Variants in ZSCAN18 observed in about 807,000 individuals in gnomAD.
ZSCAN18 encodes the protein zinc finger and SCAN domain-containing protein 18.
A neutral mutation model predicts 31.1 loss-of-function variants in ZSCAN18; 16 were observed. The observed-to-expected ratio is 0.51, with a 90% confidence interval of 0.35 to 0.78. The LOEUF (loss-of-function observed/expected upper bound fraction) is 0.78, where lower values mean the gene tolerates loss of function less well. Ranked by LOEUF, ZSCAN18 falls within the 30% of genes least tolerant of loss-of-function variation. The pLI, the probability that ZSCAN18 is intolerant of heterozygous loss-of-function variation, is 0.01. For missense variants in ZSCAN18, 731 were observed against 697.4 expected (o/e 1.05, Z -0.54); for synonymous variants, 375 against 320.7 (o/e 1.17, Z -1.81).
upstream of ZSCAN18, among the ~76,000 whole-genome samples, chr19:58,099,850 G>A (rs941129867): frequency 1.1e-4 from 16 of 151,886 alleles, no homozygotes; most frequent in Non-Finnish European, 2.4e-4. Context: ...TAACAAGTTT[G>A]AGCACACTTT....
At chr19:58,111,099 C>T (rs937451938) in intron 1 of ZSCAN18, among the ~76,000 whole-genome samples, 2 of 151,938 alleles carry the variant, frequency 1.3e-5, no homozygotes, top group East Asian at 1.9e-4. Context: ...ACCCGGGAGG[C>T]GGAGCTTGCA....
At chr19:58,115,969 G>A (rs1051297152) in intron 1 of ZSCAN18, among the ~76,000 whole-genome samples, 3 of 151,808 alleles carry the variant, frequency 2.0e-5, no homozygotes, top group Admixed American at 1.3e-4. Flanking sequence ...TCATCAACAG[G>A]AAAGGCAAGA....
upstream of ZSCAN18, among the ~76,000 whole-genome samples, chr19:58,101,299 A>ATTTTTTTTTT (rs71188078): frequency 0.013 from 1,409 of 108,016 alleles, no homozygotes; most frequent in East Asian, 0.015. Flanking sequence ...TGCCCAGCTA[A>ATTTTTTTTTT]TTTTTTTTTT....
At chr19:58,109,477 T>C (rs914639250) in intron 1 of ZSCAN18, among the ~76,000 whole-genome samples, 1 of 152,184 alleles carries the variant, frequency 6.6e-6, no homozygotes, top group African/African-American at 2.4e-5. Context: ...GAAATGTGTA[T>C]GTATGTTCAT....
At chr19:58,087,107 G>A in intron 4 of ZSCAN18, 99 bp from the exon 5 acceptor site, 1 of 1,122,824 alleles carries the variant, frequency 8.9e-7, no homozygotes, top group South Asian at 1.4e-5. Flanking sequence ...AGCCAGCCCT[G>A]GCCAGGGACT....
intron 2 of ZSCAN18, among the ~76,000 whole-genome samples, 154 bp downstream of exon 2, chr19:58,089,711 G>A (rs1216065755): frequency 1.3e-5 from 2 of 152,200 alleles, no homozygotes; most frequent in Non-Finnish European, 2.9e-5. Context: ...TAGAAGGCAG[G>A]AGCCCAGGCA....
At chr19:58,106,754 TTTTTTTG>T (rs1477773517) in intron 1 of ZSCAN18, among the ~76,000 whole-genome samples, 210 of 54,150 alleles carry the variant, frequency 3.9e-3, no homozygotes, top group African/African-American at 9.3e-3. Context: ...AGACATCTGT[TTTTTTTG>T]TTTTTTTGTT....
intron 1 of ZSCAN18, among the ~76,000 whole-genome samples, chr19:58,094,156 A>G (rs12975230): frequency 0.42 from 63,395 of 150,798 alleles, 13,438 homozygotes; most frequent in South Asian, 0.48. Flanking sequence ...CCTCTCCTTT[A>G]GGAGGCCAAG....
chr19:58,107,658 TAC>T, intron 1 of ZSCAN18: 1 of 986,174 alleles, frequency 1.0e-6, no homozygotes, highest in East Asian at 1.1e-4. Flanking sequence ...ACATATTTGT[TAC>T]TTTCAAACAA....
intron 1 of ZSCAN18, among the ~76,000 whole-genome samples, chr19:58,093,071 C>T (rs1294402683): frequency 6.6e-6 from 1 of 151,810 alleles, no homozygotes; most frequent in Non-Finnish European, 1.5e-5. Context: ...GCCACTGCAC[C>T]CACCCCCACC....
chr19:58,118,397 G>T, exon 1 of ZSCAN18: 1 of 1,514,440 alleles, frequency 6.6e-7, no homozygotes, highest in Non-Finnish European at 8.9e-7. Flanking sequence ...CTCTCCGCAT[G>T]GGCGCGCAGA....
At chr19:58,117,774 A>C (rs1237152984) in intron 1 of ZSCAN18, among the ~76,000 whole-genome samples, 1 of 151,720 alleles carries the variant, frequency 6.6e-6, no homozygotes, top group Non-Finnish European at 1.5e-5. Flanking sequence ...AGGCGAAAAA[A>C]AAAAAGGGAT....
chr19:58,107,917 T>C, intron 1 of ZSCAN18: 1 of 1,076,026 alleles, frequency 9.3e-7, no homozygotes, highest in Non-Finnish European at 1.1e-6. Context: ...CCACACCGAT[T>C]ACACTCGTAG....
In ZSCAN18 at chr19:58,084,976, G is replaced by A. The variant is rs1473997539; in HGVS notation, c.1242C>T (p.Ala414=). 3 of 1,599,680 alleles carry A rather than the reference G, an allele frequency of 1.9e-6. No individual in the cohort carries two copies. The highest frequency in any genetic ancestry group is 2.6e-6 in the Non-Finnish European group (3 of 1,174,568). The change falls in exon 7 of 7, where the codon GCC becomes GCT. Residue 414 remains alanine (A), a synonymous_variant. Coordinates refer to ENST00000601144, the MANE Select transcript of ZSCAN18 (RefSeq NM_001145543.2). This position sits in a 1 kb window ranked among gnomAD's most constrained non-coding sequence, Gnocchi z 4.5. ...EPGLSRGKPY[A]CGECGEAFAW... ...CGAAGGCCTCCCCGCACTCGCCGCA[G>A]GCATAGGGCTTCCCGCGGGACAAGC...
intron 3 of ZSCAN18, 94 bp from the exon 4 acceptor site, chr19:58,087,498 C>A (rs2074306969): frequency 1.8e-6 from 2 of 1,089,860 alleles, no homozygotes; most frequent in Non-Finnish European, 2.7e-6. Context: ...CCACACAGGC[C>A]CCAGTGTGCT....
chr19:58,095,064 T>C (rs1184073151), intron 1 of ZSCAN18, among the ~76,000 whole-genome samples: 1 of 152,018 alleles, frequency 6.6e-6, no homozygotes, highest in South Asian at 2.1e-4. Context: ...CTCTAATGAA[T>C]ACAAACAAAA....
At position 58,090,581 on chromosome 19, in the gene ZSCAN18, G is replaced by A. The variant is rs2074390999; in HGVS notation, c.-119-195C>T. 4.0e-6 allele frequency: 2 copies of A among 495,444 alleles called. No individual in the cohort carries two copies. The highest frequency in any genetic ancestry group is 6.5e-5 in the East Asian group (2 of 30,924). 30.7% of individuals were successfully genotyped at this position (495,444 alleles called of 1,614,324 possible). A position where few individuals can be genotyped will look rare whatever the true frequency, so the allele number is the denominator to read the frequency against. ...ATGTAAATGGAGGGTAACTCATTCT[G>A]TGCATTACCAGAATTTTTTTTTCTT... On this transcript the variant is annotated intron_variant, in intron 1 of 6. Transcript: ENST00000601144. This position sits in a 1 kb window ranked among gnomAD's most constrained non-coding sequence, Gnocchi z 4.7.
At chr19:58,102,235 G>GGA (rs2074600094), upstream of ZSCAN18, among the ~76,000 whole-genome samples, 3 of 152,186 alleles carry the variant, frequency 2.0e-5, no homozygotes, top group East Asian at 3.9e-4. Flanking sequence ...GAGGTGGGCT[G>GGA]CTCACGAGGT....
upstream of ZSCAN18, among the ~76,000 whole-genome samples, chr19:58,098,903 G>T (rs2074568801): frequency 6.6e-6 from 1 of 152,196 alleles, no homozygotes; most frequent in African/African-American, 2.4e-5. Context: ...AGAACTCAAA[G>T]ATTACCCACC....
Sources: allele counts gnomAD v4.1 joint callset (sites outside exome capture counted in the v4.1 genomes callset), GRCh38; gene constraint gnomAD v4.1.1; non-coding constraint Gnocchi (gnomAD v3.1); transcripts MANE v1.5; gene names NCBI Gene and HGNC (gene_info 2026-07-23, HGNC 2026-07-21).